ARPC1B: variants seen among roughly 807,000 people sequenced by gnomAD.
ARPC1B encodes the protein actin-related protein 2/3 complex subunit 1B.
Under a neutral mutation model 46.0 loss-of-function variants are expected in ARPC1B, and 29 were observed. The observed-to-expected ratio is 0.63, with a 90% confidence interval of 0.47 to 0.86. ARPC1B has a LOEUF of 0.86. Among genes scored for constraint, ARPC1B ranks in the 40% least tolerant of loss-of-function variants. The pLI, the probability that ARPC1B is intolerant of heterozygous loss-of-function variation, is 0.00. For synonymous variants in ARPC1B, 201 were observed against 213.9 expected, an observed-to-expected ratio of 0.94 and a Z score of 0.53; for missense variants, 469 against 529.4, an observed-to-expected ratio of 0.89 and a Z score of 1.12.
At position 99,394,658 on chromosome 7, in the gene ARPC1B, C is replaced by G. The variant is rs1452984176; in HGVS notation, c.*169C>G. The G allele has an allele frequency of 7.3e-7, 1 of 1,365,000 alleles. No individual in the cohort carries two copies. Among genetic ancestry groups the G allele is most frequent in the Non-Finnish European group, 9.4e-7 (1 of 1,064,726 alleles). 84.6% of individuals were successfully genotyped at this position (1,365,000 alleles called of 1,614,324 possible). A position where few individuals can be genotyped will look rare whatever the true frequency, so the allele number is the denominator to read the frequency against. The stretch of plus-strand genomic sequence containing the variant: ...AGATGGGGAGCTTTTCTTACCTATT[C>G]AAGGAATACGTGCCTTTTTCTTAAA... On this transcript the variant is annotated 3_prime_UTR_variant, in exon 10 of 10. Coordinates refer to ENST00000646101, the MANE Select transcript of ARPC1B (RefSeq NM_005720.4).
intron 6 of ARPC1B, 37 bp from the exon 7 acceptor site, chr7:99,391,141 G>T (rs767842063): frequency 1.2e-6 from 2 of 1,613,624 alleles, no homozygotes; most frequent in South Asian, 2.2e-5. Flanking sequence ...GAGTGCAGAG[G>T]AGTGGGACAC....
At chr7:99,393,523 T>C (rs1794651021) in intron 8 of ARPC1B, among the ~76,000 whole-genome samples, 2 of 151,880 alleles carry the variant, frequency 1.3e-5, no homozygotes, top group Admixed American at 1.3e-4. Context: ...TCCGCAGCCT[T>C]CTATGGATCT....
At position 99,390,898 on chromosome 7, in the gene ARPC1B, T is replaced by C. The variant is rs772554544; in HGVS notation, c.506T>C (p.Phe169Ser). 1 of 1,605,652 alleles carries C rather than the reference T, an allele frequency of 6.2e-7. No homozygotes were observed. The highest frequency in any genetic ancestry group is 8.5e-7 in the Non-Finnish European group (1 of 1,173,988). Residue 169 changes from phenylalanine to serine, a missense_variant, in exon 6 of 10, where the codon TTT (phenylalanine) becomes TCT (serine). Transcript: ENST00000646101. ...AGSCDFKCRIFSAYIKEVEER... is the reference protein window; with the variant it reads ...AGSCDFKCRISSAYIKEVEER... ...TACTTTGCCTATCCCGGTAGGATCT[T>C]TTCAGCCTACATCAAGGAGGTGGAG... is the stretch of plus-strand genomic sequence containing the variant.
chr7:99,374,701 G>A (rs912481005), upstream of ARPC1B: 1 of 151,666 alleles, frequency 6.6e-6, no homozygotes, highest in Non-Finnish European at 1.5e-5. The surrounding 1 kb of genome is among the most constrained non-coding windows in gnomAD (Gnocchi z 5.0). Context: ...CGCCCACGAG[G>A]AAGTGGCTGC....
intron 1 of ARPC1B, among the ~76,000 whole-genome samples, chr7:99,382,419 AG>A (rs201503232): frequency 0.012 from 1,772 of 150,860 alleles, 31 homozygotes; most frequent in African/African-American, 0.041. Flanking sequence ...AAAAAAAAAA[AG>A]GATACTTTTT....
In ARPC1B at chr7:99,385,698, A is replaced by T. The variant is rs549460411; in HGVS notation, c.-13-4A>T. 1.9e-6 allele frequency: 3 copies of T among 1,605,954 alleles called. No individual in the cohort carries two copies. The highest frequency in any genetic ancestry group is 2.7e-5 in the African/African-American group (2 of 74,998). ...TGGATTCTCTCTTCCTCTCTCGGGC[A>T]CAGGAGCCAAGCCGCCATGGCCTAC... On this transcript the variant is annotated splice_region_variant and splice_polypyrimidine_tract_variant and intron_variant, in intron 1 of 9. Transcript: ENST00000646101.
chr7:99,385,612 G>A (rs1277774930), intron 1 of ARPC1B, 90 bp from the exon 2 acceptor site: 1 of 1,142,942 alleles, frequency 8.7e-7, no homozygotes, highest in African/African-American at 1.5e-5. Context: ...CTGGTGTGAG[G>A]CCTGTGAGGA....
intron 2 of ARPC1B, chr7:99,386,223 C>G (rs1015521690): frequency 5.6e-6 from 2 of 358,046 alleles, no homozygotes; most frequent in Admixed American, 3.9e-5. Flanking sequence ...TGCACTCCAG[C>G]CTGGGCAACA....
At chr7:99,390,449 A>G (rs1410458815) in intron 5 of ARPC1B, among the ~76,000 whole-genome samples, 2 of 151,496 alleles carry the variant, frequency 1.3e-5, no homozygotes, top group African/African-American at 4.9e-5. Context: ...ACTCACTGCA[A>G]CCTCCGCCTG....
At chr7:99,390,644 T>G (rs977738969) in intron 5 of ARPC1B, among the ~76,000 whole-genome samples, 4 of 151,866 alleles carry the variant, frequency 2.6e-5, no homozygotes, top group Non-Finnish European at 5.9e-5. Context: ...CCTCCCAAAG[T>G]GCTGGGATTA....
At chr7:99,377,760 G>A (rs1215947032) in intron 1 of ARPC1B, among the ~76,000 whole-genome samples, 2 of 150,968 alleles carry the variant, frequency 1.3e-5, no homozygotes, top group Non-Finnish European at 2.9e-5. Flanking sequence ...TCGACCCCCC[G>A]AGCAGCTGGG....
In ARPC1B at chr7:99,392,773, T is replaced by C. The variant is rs1172039884; in HGVS notation, c.886T>C (p.Leu296=). 1.3e-5 allele frequency: 20 copies of C among 1,549,794 alleles called. No individual in the cohort carries two copies. The highest frequency in any genetic ancestry group is 8.3e-5 in the South Asian group (7 of 84,052). Reference sequence around the variant, plus strand: ...TCCTAAGCAGAGCTCGCAGCGTGGCTTGACGGCCCGCGAGCGCTTCCAGAA... The same window carrying C: ...TCCTAAGCAGAGCTCGCAGCGTGGCCTGACGGCCCGCGAGCGCTTCCAGAA... ...DVPKQSSQRG[L]TARERFQNLD... The change falls in exon 8 of 10, where the codon TTG becomes CTG. Residue 296 remains leucine, a synonymous_variant. Transcript: ENST00000646101.
intron 2 of ARPC1B, chr7:99,386,315 T>G: frequency 2.6e-6 from 1 of 383,336 alleles, no homozygotes; most frequent in Non-Finnish European, 5.0e-6. Context: ...TCGGAGGAGA[T>G]GACATTTTGA....
intron 1 of ARPC1B, among the ~76,000 whole-genome samples, chr7:99,375,067 C>T (rs1038395647): frequency 2.7e-5 from 4 of 150,572 alleles, no homozygotes; most frequent in Non-Finnish European, 5.9e-5. Flanking sequence ...CGGGGGTGGC[C>T]GCAGGGCCAG....
intron 1 of ARPC1B, among the ~76,000 whole-genome samples, chr7:99,378,557 C>G (rs1794100253): frequency 6.6e-6 from 1 of 151,048 alleles, no homozygotes; most frequent in South Asian, 2.1e-4. Context: ...GTGGTGGGCA[C>G]CTGTAGTTCC....
intron 1 of ARPC1B, among the ~76,000 whole-genome samples, chr7:99,380,997 A>C (rs781146961): frequency 9.9e-5 from 15 of 152,050 alleles, no homozygotes; most frequent in African/African-American, 3.6e-4. Context: ...GAGCACCGTG[A>C]ATCAGTCACA....
intron 7 of ARPC1B, among the ~76,000 whole-genome samples, chr7:99,391,594 A>T (rs950885150): frequency 1.3e-5 from 2 of 152,148 alleles, no homozygotes; most frequent in African/African-American, 4.8e-5. Flanking sequence ...CAAAAAGTTA[A>T]GAAATTAGCT....
intron 1 of ARPC1B, among the ~76,000 whole-genome samples, chr7:99,380,163 C>T (rs942686917): frequency 6.6e-5 from 10 of 152,264 alleles, no homozygotes; most frequent in Non-Finnish European, 1.2e-4. Flanking sequence ...CGCTGGCTCA[C>T]GCAGGCTTGG....
chr7:99,393,768 G>A (rs569957984), intron 8 of ARPC1B, among the ~76,000 whole-genome samples: 1 of 152,186 alleles, frequency 6.6e-6, no homozygotes, highest in South Asian at 2.1e-4. Context: ...GTCCTGTCCA[G>A]CTGCACTGCT....
Sources: gnomAD v4.1 joint callset for allele counts (sites outside exome capture counted in the v4.1 genomes callset) on GRCh38, gnomAD v4.1.1 for gene constraint, Gnocchi (gnomAD v3.1) non-coding constraint, MANE v1.5 for transcripts, NCBI Gene and HGNC (gene_info 2026-07-23, HGNC 2026-07-21) for gene names.